Variants in CKAP5 observed in about 807,000 individuals in gnomAD.
CKAP5 encodes cytoskeleton associated protein 5.
A neutral mutation model predicts 232.8 loss-of-function variants in CKAP5; 27 were observed. That is an observed-to-expected ratio of 0.12 (90% CI 0.09 to 0.16). The LOEUF is 0.16. Ranked by LOEUF, CKAP5 falls within the 10% of genes least tolerant of loss-of-function variation. The pLI is 1.00. For missense variants in CKAP5, 1,838 were observed against 2,424.7 expected, an observed-to-expected ratio of 0.76 and a Z score of 5.08; for synonymous variants, 785 against 841.1, an observed-to-expected ratio of 0.93 and a Z score of 1.16.
chr11:46,775,980 AC>A (rs939844091), intron 24 of CKAP5, among the ~76,000 whole-genome samples: 7 of 152,182 alleles, frequency 4.6e-5, no homozygotes, highest in African/African-American at 1.4e-4. Context: ...AATAAAAAAA[AC>A]ACAAAACCTC....
chr11:46,829,838 A>G lies in CKAP5; in HGVS notation c.-37-8570T>C, dbSNP rs186022778. Among the ~76,000 whole-genome samples the G allele has an allele frequency of 8.9e-3, 1,280 of 143,106 alleles. 12 individuals are homozygous for G. Among genetic ancestry groups the G allele is most frequent in the Middle Eastern group, 0.021 (6 of 282 alleles). 93.9% of individuals were successfully genotyped at this position (143,106 alleles called of 152,430 possible). A position where few individuals can be genotyped will look rare whatever the true frequency, so the allele number is the denominator to read the frequency against. ...ATATGAAGTCTAATTCCTTTTTTGT[A>G]TGTGTGTGTGTGTGTGTGTGTGTGT... On this transcript the variant is annotated intron_variant, in intron 1 of 43. Transcript: ENST00000529230.
intron 16 of CKAP5, among the ~76,000 whole-genome samples, chr11:46,785,705 T>C (rs901292926): frequency 1.3e-5 from 2 of 152,086 alleles, no homozygotes; most frequent in African/African-American, 4.8e-5. Context: ...AGCACTTTGG[T>C]AGGTTGAGTC....
intron 1 of CKAP5, among the ~76,000 whole-genome samples, chr11:46,824,718 T>TC (rs1246437737): frequency 6.6e-6 from 1 of 152,228 alleles, no homozygotes; most frequent in Non-Finnish European, 1.5e-5. Flanking sequence ...TTTGGAAGTT[T>TC]CTCAAAAAGT....
At position 46,767,585 on chromosome 11, in the gene CKAP5, G is replaced by A; in HGVS notation, c.3401C>T (p.Ser1134Phe). The change falls in exon 27 of 44, where the codon TCT becomes TTT. Residue 1134 changes from serine (S) to phenylalanine (F), a missense_variant. Around this residue, in one of 6 missense-constraint regions of CKAP5, gnomAD observed 767 missense variants for 954.6 expected, o/e 0.80. Coordinates refer to ENST00000529230, the MANE Select transcript of CKAP5 (RefSeq NM_001008938.4). ...ACAGAGTTAACATACCTTTGCTTTA[G>A]AGGATAATCCTGGAGCTTTGGCCTT... ...PKKAKAPGLS[S>F]KAKSAQGKKM... The A allele has an allele frequency of 6.2e-7, 1 of 1,609,348 alleles. No individual in the cohort carries two copies. The highest frequency in any genetic ancestry group is 8.5e-7 in the Non-Finnish European group (1 of 1,176,312).
At chr11:46,813,568 C>T (rs1939322989) in intron 4 of CKAP5, among the ~76,000 whole-genome samples, 1 of 152,160 alleles carries the variant, frequency 6.6e-6, no homozygotes, top group Non-Finnish European at 1.5e-5. Flanking sequence ...CTCTCACTAA[C>T]AAAGCTTTAG....
In CKAP5 at chr11:46,790,181, T is replaced by C; in HGVS notation, c.1770A>G (p.Glu590=). The C allele has an allele frequency of 6.3e-7, 1 of 1,595,102 alleles. No individual in the cohort carries two copies. Among genetic ancestry groups the C allele is most frequent in the Non-Finnish European group, 8.6e-7 (1 of 1,164,340 alleles). The stretch of plus-strand genomic sequence containing the variant: ...CAGCTGAAGCTTTTTCTTCACATAC[T>C]TCTATCTGTAAGATACAAAAACATA... The part of the protein sequence containing the change: ...KEIVEPELSI[E]VCEEKASAVL... The change falls in exon 15 of 44, where the codon GAA becomes GAG. Residue 590 remains glutamate (E), a synonymous_variant. Transcript: ENST00000529230.
At chr11:46,789,151 G>A (rs772631068) in intron 15 of CKAP5, among the ~76,000 whole-genome samples, 6 of 152,182 alleles carry the variant, frequency 3.9e-5, no homozygotes, top group South Asian at 2.1e-4. Flanking sequence ...CAGCAAAGCA[G>A]AATAGATTTG....
chr11:46,750,824 G>T (rs1462763847), intron 40 of CKAP5, among the ~76,000 whole-genome samples: 1 of 152,188 alleles, frequency 6.6e-6, no homozygotes, highest in East Asian at 1.9e-4. Context: ...ACCTCAACTT[G>T]ATGGAGAAGG....
chr11:46,750,749 ATGCAGGTCT>A (rs1565715168), intron 40 of CKAP5, 138 bp from the exon 41 acceptor site: 2 of 672,702 alleles, frequency 3.0e-6, no homozygotes, highest in Non-Finnish European at 2.5e-6. Context: ...TGCACCGATG[ATGCAGGTCT>A]TGCAGCAGAA....
chr11:46,753,185 T>C (rs779737708), intron 37 of CKAP5, 125 bp downstream of exon 37: 2 of 681,798 alleles, frequency 2.9e-6, no homozygotes, highest in South Asian at 4.1e-5. Flanking sequence ...TAACTTTAAG[T>C]GTGCCTAGGA....
chr11:46,769,947 C>CT lies in CKAP5; in HGVS notation c.3322+15dup. The CT allele has an allele frequency of 1.2e-6, 2 of 1,613,898 alleles. No homozygotes were observed. Among genetic ancestry groups the CT allele is most frequent in the Non-Finnish European group, 1.7e-6 (2 of 1,179,838 alleles). ...GGCTATTTCCTTCCCCTTTAACCTT[C>CT]TTAAGATAGAGTTACCTGATGCAGG... On this transcript the variant is annotated intron_variant, in intron 26 of 43. Transcript: ENST00000529230.
intron 37 of CKAP5, 122 bp from the exon 38 acceptor site, chr11:46,752,832 G>C (rs1226378358): frequency 2.9e-6 from 2 of 699,604 alleles, no homozygotes; most frequent in East Asian, 2.9e-5. Flanking sequence ...TCATGGATCA[G>C]GAATTGTCCT....
At chr11:46,824,957 C>A (rs1939619867) in intron 1 of CKAP5, among the ~76,000 whole-genome samples, 1 of 152,158 alleles carries the variant, frequency 6.6e-6, no homozygotes, top group African/African-American at 2.4e-5. Context: ...TCAGAGCTCT[C>A]AGATTTTATC....
intron 15 of CKAP5, 120 bp downstream of exon 15, chr11:46,789,956 C>A (rs1351967289): frequency 3.5e-5 from 21 of 606,980 alleles, no homozygotes; most frequent in Non-Finnish European, 5.6e-5. Context: ...ATCTTTAATG[C>A]CATAAAACGT....
At chr11:46,822,804 C>T (rs1939570320) in intron 1 of CKAP5, among the ~76,000 whole-genome samples, 1 of 149,310 alleles carries the variant, frequency 6.7e-6, no homozygotes, top group South Asian at 2.1e-4. Flanking sequence ...AATGTTGATA[C>T]TGCCAAGCTC....
At chr11:46,806,938 T>C (rs956470583) in intron 8 of CKAP5, among the ~76,000 whole-genome samples, 4 of 152,216 alleles carry the variant, frequency 2.6e-5, no homozygotes, top group Non-Finnish European at 5.9e-5. Flanking sequence ...TTCAGTGCCA[T>C]GTTTTTGCAT....
intron 6 of CKAP5, 33 bp from the exon 7 acceptor site, chr11:46,809,533 A>G: frequency 1.3e-6 from 2 of 1,513,722 alleles, no homozygotes; most frequent in Middle Eastern, 1.7e-4. Context: ...AACCTTAAAA[A>G]TGCTTAGAAT....
At chr11:46,800,472 C>T (rs1038185462) in intron 9 of CKAP5, among the ~76,000 whole-genome samples, 12 of 152,156 alleles carry the variant, frequency 7.9e-5, no homozygotes, top group African/African-American at 2.9e-4. Flanking sequence ...GGCTAGCAAG[C>T]TAAACTCTAA....
intron 13 of CKAP5, among the ~76,000 whole-genome samples, chr11:46,791,144 G>C (rs1306406457): frequency 6.6e-6 from 1 of 152,062 alleles, no homozygotes; most frequent in African/African-American, 2.4e-5. Context: ...TAGAATTAAT[G>C]AGATAAATGA....
Sources: gnomAD v4.1 joint callset for allele counts (sites outside exome capture counted in the v4.1 genomes callset) on GRCh38, gnomAD v4.1.1 for gene constraint, gnomAD v4.1.1 regional missense constraint, MANE v1.5 for transcripts, NCBI Gene and HGNC (gene_info 2026-07-23, HGNC 2026-07-21) for gene names.